MIPOL1: variants seen among roughly 807,000 people sequenced by gnomAD.
MIPOL1 encodes mirror-image polydactyly 1.
Under a neutral mutation model 60.9 loss-of-function variants are expected in MIPOL1, and 57 were observed. The ratio of observed to expected loss-of-function variants is 0.94; its 90% CI spans 0.76 to 1.17. The LOEUF (loss-of-function observed/expected upper bound fraction) is 1.17, where lower values mean the gene tolerates loss of function less well. Ranked by LOEUF, MIPOL1 falls within the 50% of genes most tolerant of loss-of-function variation. MIPOL1 has a pLI of 0.00. For missense variants in MIPOL1, 551 were observed against 511.6 expected (o/e 1.08, Z -0.74); for synonymous variants, 179 against 168.8 (o/e 1.06, Z -0.47).
chr14:37,444,999 C>T (rs1168872327), intron 11 of MIPOL1, among the ~76,000 whole-genome samples: 4 of 152,082 alleles, frequency 2.6e-5, no homozygotes, highest in African/African-American at 4.8e-5. Flanking sequence ...GGAAGCATTC[C>T]CTTTGAAAAC....
chr14:37,493,201 A>G (rs939423966), intron 11 of MIPOL1, among the ~76,000 whole-genome samples: 3 of 152,190 alleles, frequency 2.0e-5, no homozygotes, highest in Admixed American at 6.6e-5. Context: ...AACTTGGTAT[A>G]AATGGAAAAA....
intron 10 of MIPOL1, among the ~76,000 whole-genome samples, chr14:37,410,266 G>A (rs902165773): frequency 1.3e-5 from 2 of 152,024 alleles, no homozygotes; most frequent in African/African-American, 4.8e-5. Context: ...CTGATGACGA[G>A]TTAATGGGTG....
At chr14:37,232,363 C>G (rs928780955) in intron 1 of MIPOL1, among the ~76,000 whole-genome samples, 1 of 152,084 alleles carries the variant, frequency 6.6e-6, no homozygotes, top group Non-Finnish European at 1.5e-5. Flanking sequence ...TACTCTCTGT[C>G]CCTTATTAGT....
intron 12 of MIPOL1, among the ~76,000 whole-genome samples, chr14:37,515,934 G>A (rs2095365964): frequency 6.6e-6 from 1 of 152,200 alleles, no homozygotes; most frequent in East Asian, 1.9e-4. Context: ...AGGAGAGCTG[G>A]TAAAGGAAAC....
intron 12 of MIPOL1, among the ~76,000 whole-genome samples, chr14:37,522,692 G>A (rs2095422043): frequency 6.6e-6 from 1 of 152,096 alleles, no homozygotes; most frequent in South Asian, 2.1e-4. Context: ...AAAGTATGTT[G>A]TGATTATATT....
intron 7 of MIPOL1, among the ~76,000 whole-genome samples, chr14:37,293,612 A>T (rs1384016878): frequency 1.3e-5 from 2 of 152,110 alleles, no homozygotes; most frequent in African/African-American, 4.8e-5. Context: ...TCCCACCCTA[A>T]TACTACGCTT....
chr14:37,226,918 C>G (rs532153642), intron 1 of MIPOL1, among the ~76,000 whole-genome samples: 1 of 152,232 alleles, frequency 6.6e-6, no homozygotes, highest in African/African-American at 2.4e-5. Flanking sequence ...TGGCAGCTTC[C>G]TGATTATTAA....
chr14:37,349,533 T>C (rs778233758), intron 9 of MIPOL1, among the ~76,000 whole-genome samples: 1 of 152,194 alleles, frequency 6.6e-6, no homozygotes, highest in Admixed American at 6.5e-5. Flanking sequence ...TGTTTCCACC[T>C]TGGGGCCTTT....
rs1566683992 is a variant in MIPOL1 at position 37,481,605 on chromosome 14, AC to A, written c.1032-18302del. Among the ~76,000 whole-genome samples, 55 of 148,694 alleles carry A rather than the reference AC, an allele frequency of 3.7e-4. 1 individual carries two copies. Among genetic ancestry groups the A allele is most frequent in the Admixed American group, 1.7e-3 (25 of 14,956 alleles). On this transcript the variant is annotated intron_variant, in intron 11 of 12. Transcript: ENST00000684589. ...CACACACACACACACACACACACAC[AC>A]ACACACCGAAACCACATAGCCAAGG...
At position 37,223,241 on chromosome 14, in the gene MIPOL1, C is replaced by T. The variant is rs144542395; in HGVS notation, c.-198-23862C>T. ...AGACCTGGGGTTTTACCATGTTGGC[C>T]GGGCTGGTCTTGAACTCCTGACCTT... On this transcript the variant is annotated intron_variant, in intron 1 of 12. Transcript: ENST00000684589. 5.1e-4 allele frequency among the ~76,000 whole-genome samples: 78 copies of T among 152,084 alleles called. 1 individual carries two copies. The East Asian group carries it at 0.015, about 29-fold the overall frequency.
At position 37,361,616 on chromosome 14, in the gene MIPOL1, T is replaced by C. The variant is rs1278324242; in HGVS notation, c.829-7901T>C. On this transcript the variant is annotated intron_variant, in intron 9 of 12. Coordinates refer to ENST00000684589, the MANE Select transcript of MIPOL1 (RefSeq NM_001388067.1). ...TTTGTTTCTCCCTCTCTCTCTTTTTTTTTTTTTTTTTTTTTTTTTTTGCCT... is the reference window on the plus strand; with the variant it reads ...TTTGTTTCTCCCTCTCTCTCTTTTTCTTTTTTTTTTTTTTTTTTTTTGCCT... Among the ~76,000 whole-genome samples the C allele has an allele frequency of 3.9e-4, 22 of 56,284 alleles. 2 individuals are homozygous for C. The highest frequency in any genetic ancestry group is 1.2e-3 in the African/African-American group (13 of 10,646). The allele number at this position is 56,284 out of a possible 152,430, so 36.9% of individuals were successfully genotyped here.
intron 11 of MIPOL1, among the ~76,000 whole-genome samples, chr14:37,465,200 A>G (rs989897337): frequency 2.0e-5 from 3 of 152,226 alleles, no homozygotes; most frequent in Admixed American, 6.5e-5. Context: ...TACTGTGGTC[A>G]GCAATGTACA....
intron 9 of MIPOL1, among the ~76,000 whole-genome samples, chr14:37,342,745 T>C (rs1249529969): frequency 6.6e-6 from 1 of 152,110 alleles, no homozygotes; most frequent in Non-Finnish European, 1.5e-5. Flanking sequence ...ACAGTTAACA[T>C]AATAATCTTA....
At chr14:37,416,028 C>T (rs2093763152) in intron 10 of MIPOL1, among the ~76,000 whole-genome samples, 1 of 152,024 alleles carries the variant, frequency 6.6e-6, no homozygotes, top group African/African-American at 2.4e-5. Flanking sequence ...TCTTCTAAAA[C>T]AATAGAAATA....
intron 9 of MIPOL1, among the ~76,000 whole-genome samples, chr14:37,368,755 A>G (rs2092554267): frequency 6.6e-6 from 1 of 152,078 alleles, no homozygotes. Flanking sequence ...TGTTTTACAT[A>G]TTTATATTGA....
chr14:37,234,868 T>C (rs1347249144), intron 1 of MIPOL1, among the ~76,000 whole-genome samples: 1 of 151,476 alleles, frequency 6.6e-6, no homozygotes, highest in Non-Finnish European at 1.5e-5. Flanking sequence ...CTCCGCCTCA[T>C]GGGTTCAGGC....
intron 9 of MIPOL1, among the ~76,000 whole-genome samples, chr14:37,358,353 C>G (rs2091990111): frequency 6.6e-6 from 1 of 152,074 alleles, no homozygotes; most frequent in African/African-American, 2.4e-5. Context: ...GGTATATATC[C>G]AGCAATGGAA....
chr14:37,320,351 A>G (rs966994571), intron 9 of MIPOL1, among the ~76,000 whole-genome samples: 1 of 152,062 alleles, frequency 6.6e-6, no homozygotes, highest in South Asian at 2.1e-4. Context: ...TGATGGGTGT[A>G]TAGTCATATT....
At chr14:37,521,893 A>ATATAT (rs1555367650) in intron 12 of MIPOL1, among the ~76,000 whole-genome samples, 1 of 123,574 alleles carries the variant, frequency 8.1e-6, no homozygotes, top group African/African-American at 3.1e-5. Context: ...AAGAAAAAAA[A>ATATAT]ATATATATAT....
Sources: gnomAD v4.1 joint callset for allele counts (sites outside exome capture counted in the v4.1 genomes callset) on GRCh38, gnomAD v4.1.1 for gene constraint, MANE v1.5 for transcripts, NCBI Gene and HGNC (gene_info 2026-07-23, HGNC 2026-07-21) for gene names.